The following CDH11 variants were observed in gnomAD, a reference collection of about 807,000 sequenced individuals.
CDH11 encodes the protein cadherin-11.
Under a neutral mutation model 67.8 loss-of-function variants are expected in CDH11, and 11 were observed. The observed-to-expected ratio is 0.16, with a 90% CI of 0.10 to 0.27. CDH11 has a LOEUF of 0.27. Ranked by LOEUF, CDH11 falls within the 10% of genes least tolerant of loss-of-function variation. The probability of loss-of-function intolerance (pLI) is 1.00; values close to 1 mark genes in which losing one functional copy is unlikely to be tolerated. For synonymous variants in CDH11, 419 were observed against 400.0 expected (o/e 1.05, Z -0.57); for missense variants, 847 against 1,031.2 (o/e 0.82, Z 2.45).
chr16:65,098,866 C>T (rs1419079792), intron 1 of CDH11, among the ~76,000 whole-genome samples: 2 of 151,778 alleles, frequency 1.3e-5, no homozygotes, highest in Admixed American at 6.6e-5. Context: ...GGAGGTGGGG[C>T]GTGTAGTCTT....
At chr16:65,106,243 T>G (rs1057439542) in intron 1 of CDH11, among the ~76,000 whole-genome samples, 3 of 152,126 alleles carry the variant, frequency 2.0e-5, no homozygotes, top group African/African-American at 7.2e-5. Flanking sequence ...AGAGGAAACT[T>G]GAGTCCACAC....
At chr16:65,026,285 G>T (rs2073533489) in intron 2 of CDH11, among the ~76,000 whole-genome samples, 1 of 152,098 alleles carries the variant, frequency 6.6e-6, no homozygotes, top group African/African-American at 2.4e-5. Context: ...GATGAGGTGG[G>T]TATTGCCTCC....
chr16:65,038,659 C>T (rs1434305355), intron 2 of CDH11, among the ~76,000 whole-genome samples: 1 of 152,142 alleles, frequency 6.6e-6, no homozygotes, highest in African/African-American at 2.4e-5. Context: ...ATTCCTCTTG[C>T]CTTGGGGAAA....
At chr16:65,068,389 C>A (rs1318444938) in intron 1 of CDH11, among the ~76,000 whole-genome samples, 1 of 115,370 alleles carries the variant, frequency 8.7e-6, no homozygotes, top group Non-Finnish European at 1.6e-5. Flanking sequence ...ATGAAGGGAG[C>A]TCCCGAAATA....
intron 11 of CDH11, among the ~76,000 whole-genome samples, chr16:64,952,975 T>C (rs965808043): frequency 2.0e-5 from 3 of 152,184 alleles, no homozygotes; most frequent in African/African-American, 7.2e-5. Flanking sequence ...AAAGTCCTTA[T>C]ATACAATGGC....
intron 11 of CDH11, among the ~76,000 whole-genome samples, chr16:64,959,135 C>A (rs943468802): frequency 6.6e-6 from 1 of 152,116 alleles, no homozygotes; most frequent in Non-Finnish European, 1.5e-5. Context: ...ACTGTTCTTC[C>A]AATTATTGCC....
intron 1 of CDH11, among the ~76,000 whole-genome samples, chr16:65,114,801 G>T (rs1198034583): frequency 1.3e-5 from 2 of 152,128 alleles, no homozygotes; most frequent in African/African-American, 4.8e-5. Flanking sequence ...ACCATTCAGG[G>T]CTTAAGAGAG....
chr16:65,043,138 C>T (rs532202359), intron 2 of CDH11, among the ~76,000 whole-genome samples: 10 of 152,302 alleles, frequency 6.6e-5, no homozygotes, highest in Admixed American at 5.9e-4. Flanking sequence ...ACCAGAGGTC[C>T]TTTTCTGTCT....
At chr16:65,019,103 A>G (rs2073372880) in intron 2 of CDH11, among the ~76,000 whole-genome samples, 1 of 152,260 alleles carries the variant, frequency 6.6e-6, no homozygotes, top group Admixed American at 6.5e-5. Flanking sequence ...AAGAAAGCCA[A>G]ACACCATTTT....
At chr16:65,043,357 G>A (rs756158846) in intron 2 of CDH11, among the ~76,000 whole-genome samples, 1 of 151,504 alleles carries the variant, frequency 6.6e-6, no homozygotes, top group South Asian at 2.1e-4. Context: ...ATGTTTACTA[G>A]GGGGTACCCT....
In CDH11 at chr16:65,020,332, C is replaced by T. The variant is rs575083170; in HGVS notation, c.-172-15291G>A. 1.3e-3 allele frequency among the ~76,000 whole-genome samples: 204 copies of T among 152,032 alleles called. 4 individuals are homozygous for T. The highest frequency in any genetic ancestry group is 1.0e-3 in the South Asian group (5 of 4,808). On this transcript the variant is annotated intron_variant, in intron 2 of 12. Transcript: ENST00000268603. ...AATTTTGAAGACATTTTTATTTTAC[C>T]AGAAACTTTTTTTATTAAACATAGT...
intron 8 of CDH11, among the ~76,000 whole-genome samples, chr16:64,975,381 G>A (rs144759975): frequency 1.1e-3 from 174 of 152,264 alleles, no homozygotes; most frequent in Middle Eastern, 3.4e-3. Flanking sequence ...GATCAATAAC[G>A]CATGATGGGC....
At chr16:64,990,830 C>T (rs1027086620) in intron 6 of CDH11, among the ~76,000 whole-genome samples, 1 of 152,154 alleles carries the variant, frequency 6.6e-6, no homozygotes. Flanking sequence ...AATTTGTTGA[C>T]GACTTATAGA....
chr16:65,052,198 C>T (rs141233459), intron 2 of CDH11, among the ~76,000 whole-genome samples: 18 of 152,236 alleles, frequency 1.2e-4, no homozygotes, highest in African/African-American at 3.9e-4. Flanking sequence ...TTACTAAGTG[C>T]ATACTTTGGC....
chr16:64,998,989 C>T, intron 3 of CDH11, 133 bp from the exon 4 acceptor site: 1 of 755,310 alleles, frequency 1.3e-6, no homozygotes, highest in South Asian at 1.8e-5. Context: ...CTCCATTTTA[C>T]AACAGGAGAA....
intron 1 of CDH11, among the ~76,000 whole-genome samples, chr16:65,104,446 T>G (rs1197498577): frequency 1.3e-5 from 2 of 152,192 alleles, no homozygotes; most frequent in Non-Finnish European, 2.9e-5. Context: ...TACTTCTAAC[T>G]TACAAGGTGA....
intron 11 of CDH11, among the ~76,000 whole-genome samples, chr16:64,952,151 A>G (rs2071379724): frequency 6.6e-6 from 1 of 152,156 alleles, no homozygotes; most frequent in Non-Finnish European, 1.5e-5. Context: ...TGTTCCTTTT[A>G]TCATAACAGT....
At chr16:64,978,277 T>A (rs1459174918) in intron 8 of CDH11, among the ~76,000 whole-genome samples, 1 of 152,208 alleles carries the variant, frequency 6.6e-6, no homozygotes, top group Non-Finnish European at 1.5e-5. Context: ...GGCCATGTAC[T>A]CTGTTTAGTG....
At chr16:64,986,256 G>C (rs183598455) in intron 7 of CDH11, 52 of 146,816 alleles carry the variant, frequency 3.5e-4, no homozygotes, top group African/African-American at 1.2e-3. Flanking sequence ...TTTTACAAAT[G>C]CAATAACATC....
Sources: gnomAD v4.1 joint callset for allele counts (sites outside exome capture counted in the v4.1 genomes callset) on GRCh38, gnomAD v4.1.1 for gene constraint, MANE v1.5 for transcripts, NCBI Gene and HGNC (gene_info 2026-07-23, HGNC 2026-07-21) for gene names.